Variants in MORC1 observed in about 807,000 individuals in gnomAD.
The protein encoded by MORC1 is MORC family CW-type zinc finger protein 1.
MORC1 carries 59 observed loss-of-function variants against 134.9 expected under a neutral mutation model. That is an observed-to-expected ratio of 0.44 (90% confidence interval 0.35 to 0.54). The LOEUF is 0.54. Among genes scored for constraint, MORC1 ranks in the 20% least tolerant of loss-of-function variants. The probability of loss-of-function intolerance (pLI) is 0.00; values close to 1 mark genes in which losing one functional copy is unlikely to be tolerated. For synonymous variants in MORC1, 395 were observed against 391.7 expected, an observed-to-expected ratio of 1.01 and a Z score of -0.10; for missense variants, 947 against 1,134.5, an observed-to-expected ratio of 0.83 and a Z score of 2.37.
At chr3:109,015,127 G>A (rs1326911521) in intron 17 of MORC1, among the ~76,000 whole-genome samples, 1 of 151,990 alleles carries the variant, frequency 6.6e-6, no homozygotes. Flanking sequence ...CAAGTGATCC[G>A]CCCTCCTTTG....
chr3:109,047,924 G>A (rs1445402451), intron 14 of MORC1, among the ~76,000 whole-genome samples: 1 of 152,178 alleles, frequency 6.6e-6, no homozygotes, highest in African/African-American at 2.4e-5. Flanking sequence ...GATCATGACT[G>A]CTAATATCAT....
At chr3:108,989,424 G>A (rs571781473) in intron 21 of MORC1, among the ~76,000 whole-genome samples, 4 of 152,178 alleles carry the variant, frequency 2.6e-5, no homozygotes, top group Non-Finnish European at 5.9e-5. Flanking sequence ...GAGCAGGATG[G>A]GATTTGTCAG....
chr3:109,032,692 A>C, intron 16 of MORC1, 28 bp downstream of exon 16: 1 of 1,434,796 alleles, frequency 7.0e-7, no homozygotes, highest in East Asian at 2.3e-5. Context: ...AAAATGAATA[A>C]AGAATTTTAG....
At chr3:108,965,493 T>G (rs1023994252) in intron 26 of MORC1, among the ~76,000 whole-genome samples, 2 of 151,920 alleles carry the variant, frequency 1.3e-5, no homozygotes, top group Non-Finnish European at 2.9e-5. Flanking sequence ...GAGTTAGAGG[T>G]AATTGTGGAA....
intron 13 of MORC1, among the ~76,000 whole-genome samples, chr3:109,056,995 T>C (rs1949977224): frequency 6.6e-6 from 1 of 152,224 alleles, no homozygotes; most frequent in Admixed American, 6.5e-5. Context: ...TGGATTTTTC[T>C]TTTCCTTCTC....
intron 14 of MORC1, among the ~76,000 whole-genome samples, chr3:109,039,650 T>C (rs1247943509): frequency 6.6e-6 from 1 of 152,208 alleles, no homozygotes; most frequent in African/African-American, 2.4e-5. Flanking sequence ...CTACCCATCC[T>C]ACACTCCATG....
chr3:109,047,756 T>C (rs931337078), intron 14 of MORC1, among the ~76,000 whole-genome samples: 3 of 152,190 alleles, frequency 2.0e-5, no homozygotes, highest in African/African-American at 2.4e-5. Flanking sequence ...TTTAGCAGTA[T>C]AGAGTTCAGT....
chr3:108,969,704 G>T lies in MORC1; in HGVS notation c.2569C>A (p.Gln857Lys). 1 of 1,613,766 alleles carries T rather than the reference G, an allele frequency of 6.2e-7. No individual in the cohort carries two copies. The highest frequency in any genetic ancestry group is 8.5e-7 in the Non-Finnish European group (1 of 1,179,776). ...CACATTTTCAGCTTTTTGTTCATCT[G>T]CTCTGGGCACTGCTCCAGCTGTTTT... is the stretch of plus-strand genomic sequence containing the variant. The part of the protein sequence containing the change: ...LSCELEQCPE[Q>K]MNKKLKMCFN... Residue 857 changes from glutamine to lysine, a missense_variant, in exon 26 of 28, where the codon CAG (glutamine) becomes AAG (lysine). Physicochemically the swap from Gln to Lys is moderately conservative, Grantham distance 53. Transcript: ENST00000232603.
At chr3:109,007,996 T>G (rs556776116) in intron 17 of MORC1, among the ~76,000 whole-genome samples, 80 of 152,106 alleles carry the variant, frequency 5.3e-4, no homozygotes, top group Non-Finnish European at 9.4e-4. Flanking sequence ...TCCCACTTTT[T>G]GTGGTAGGGA....
At chr3:109,072,202 G>A (rs942392613) in intron 8 of MORC1, among the ~76,000 whole-genome samples, 20 of 152,128 alleles carry the variant, frequency 1.3e-4, no homozygotes, top group Non-Finnish European at 1.5e-4. Context: ...TAATTCTCCA[G>A]TCTCATCTCT....
chr3:108,960,085 A>C (rs913091239), intron 27 of MORC1, among the ~76,000 whole-genome samples: 1 of 152,238 alleles, frequency 6.6e-6, no homozygotes, highest in African/African-American at 2.4e-5. Flanking sequence ...AATAACAGAT[A>C]ACTTAAGAAC....
rs79759791 is a variant in MORC1 at position 109,046,316 on chromosome 3, A to C, written c.1330+8412T>G. 5.2e-3 allele frequency among the ~76,000 whole-genome samples: 796 copies of C among 152,258 alleles called. 52 individuals are homozygous for C. In the East Asian group the frequency reaches 0.13, roughly 25 times the overall value. ...TTCAAAAACAACACTGGGGAAAATTATGTTTCTCCTGGTTCTTTCTTCAAG... is the reference window on the plus strand; with the variant it reads ...TTCAAAAACAACACTGGGGAAAATTCTGTTTCTCCTGGTTCTTTCTTCAAG... On this transcript the variant is annotated intron_variant, in intron 14 of 27. Coordinates refer to ENST00000232603, the MANE Select transcript of MORC1 (RefSeq NM_014429.4).
chr3:109,100,314 AT>A lies in MORC1; in HGVS notation c.314+102del. 7.4e-6 allele frequency: 7 copies of A among 947,610 alleles called. No homozygotes were observed. The South Asian group carries it at 1.0e-4, about 14-fold the overall frequency. The allele number at this position is 947,610 out of a possible 1,614,324, so 58.7% of individuals were successfully genotyped here. ...GGTCACCCCTGCCTCAAGTTTATAT[AT>A]TTTTTAAAGCTTTACATGCCTGCAT... On this transcript the variant is annotated intron_variant, in intron 5 of 27. Transcript: ENST00000232603.
intron 9 of MORC1, among the ~76,000 whole-genome samples, chr3:109,067,340 G>A (rs1218519890): frequency 3.3e-5 from 5 of 152,116 alleles, no homozygotes; most frequent in Non-Finnish European, 5.9e-5. Context: ...AAATGTTTAA[G>A]AGACCTGAGA....
chr3:109,080,891 G>T (rs528609513), intron 8 of MORC1, among the ~76,000 whole-genome samples: 4 of 152,184 alleles, frequency 2.6e-5, no homozygotes, highest in African/African-American at 7.2e-5. Flanking sequence ...AGTTCATCCA[G>T]AAACAGAACC....
rs575972308 is a variant in MORC1 at position 109,027,944 on chromosome 3, T to C, written c.1566-55A>G. On this transcript the variant is annotated intron_variant, in intron 16 of 27. Coordinates refer to ENST00000232603, the MANE Select transcript of MORC1 (RefSeq NM_014429.4). ...TCAGGAGAAATATAAAACTACTTAC[T>C]GTCTGTAAAAGACGATTTACTTCTA... is the stretch of plus-strand genomic sequence containing the variant. 56 of 1,563,304 alleles carry C rather than the reference T, an allele frequency of 3.6e-5. No individual in the cohort carries two copies. The South Asian group carries it at 6.0e-4, about 17-fold the overall frequency.
Position 109,063,213 on chromosome 3 carries a change from T to C in MORC1, c.834A>G (p.Thr278=). The C allele has an allele frequency of 3.8e-6, 6 of 1,591,034 alleles. No individual in the cohort carries two copies. The highest frequency in any genetic ancestry group is 5.2e-6 in the Non-Finnish European group (6 of 1,161,338). Residue 278 remains threonine (T), a synonymous_variant, in exon 10 of 28, where the codon ACA becomes ACG. Coordinates refer to ENST00000232603, the MANE Select transcript of MORC1 (RefSeq NM_014429.4). ...LYRPRKYLYV[T]SSFKGAFKDE... is the part of the protein sequence containing the mutation. ...CTTTAAATGCTCCTTTAAAAGAAGA[T>C]GTGACATAAAGATACTTTCTGGAAA...
intron 8 of MORC1, among the ~76,000 whole-genome samples, chr3:109,087,009 G>C (rs1950626795): frequency 6.6e-6 from 1 of 152,066 alleles, no homozygotes; most frequent in Admixed American, 6.6e-5. Context: ...TGGGGGAGCT[G>C]AGGTGGAAAA....
At chr3:109,000,812 C>T (rs148792055) in intron 20 of MORC1, among the ~76,000 whole-genome samples, 154 bp from the exon 21 acceptor site, 29 of 152,282 alleles carry the variant, frequency 1.9e-4, no homozygotes, top group African/African-American at 5.8e-4. Context: ...GTATGATAAG[C>T]GCTTGATAAG....
Sources: gnomAD v4.1 joint callset for allele counts (sites outside exome capture counted in the v4.1 genomes callset) on GRCh38, gnomAD v4.1.1 for gene constraint, MANE v1.5 for transcripts, NCBI Gene and HGNC (gene_info 2026-07-23, HGNC 2026-07-21) for gene names.